Variants in PI15 observed in about 807,000 individuals in gnomAD.
PI15 encodes the protein peptidase inhibitor 15, also known as 25 kDa trypsin inhibitor.
A neutral mutation model predicts 31.0 loss-of-function variants in PI15; 18 were observed. The ratio of observed to expected loss-of-function variants is 0.58; its 90% CI spans 0.40 to 0.86. The LOEUF is 0.86. Among genes scored for constraint, PI15 ranks in the 40% least tolerant of loss-of-function variants. The pLI, the probability that PI15 is intolerant of heterozygous loss-of-function variation, is 0.00. For missense variants in PI15, 282 were observed against 328.1 expected (o/e 0.86, Z 1.09); for synonymous variants, 118 against 119.1 (o/e 0.99, Z 0.06).
At position 74,851,375 on chromosome 8, in the gene PI15, C is replaced by G. The variant is rs1811101778; in HGVS notation, c.*2122C>G. ...ATAAGTACTATTAAACAGAAGATGG[C>G]TACACTAAGTTCCAATTTTGTTGCT... On this transcript the variant is annotated 3_prime_UTR_variant, in exon 6 of 6. Transcript: ENST00000260113. The G allele has an allele frequency of 6.6e-6, 1 of 151,998 alleles. No individual in the cohort carries two copies. Among genetic ancestry groups the G allele is most frequent in the Middle Eastern group, 3.2e-3 (1 of 316 alleles). The allele number at this position is 151,998 out of a possible 1,614,324, so 9.4% of individuals were successfully genotyped here. A position where few individuals can be genotyped will look rare whatever the true frequency, so the allele number is the denominator to read the frequency against.
chr8:74,836,370 G>A (rs1810872588), intron 2 of PI15, among the ~76,000 whole-genome samples: 1 of 152,156 alleles, frequency 6.6e-6, no homozygotes, highest in Admixed American at 6.6e-5. Context: ...TTGGAGGAAT[G>A]GGGGTAAGGT....
rs142164571 is a variant in PI15 at position 74,845,415 on chromosome 8, G to A, written c.559G>A (p.Ala187Thr). The A allele has an allele frequency of 1.5e-5, 24 of 1,613,874 alleles. No homozygotes were observed. The highest frequency in any genetic ancestry group is 9.3e-5 in the African/African-American group (7 of 75,020). Residue 187 changes from alanine to threonine, a missense_variant, in exon 5 of 6, where the codon GCA (alanine) becomes ACA (threonine). Transcript: ENST00000260113. ...GGCCACTTCCAATCGGATAGGATGC[G>A]CAATTCATACTTGCCAAAACATGAA... ...VWATSNRIGC[A>T]IHTCQNMNVW...
intron 5 of PI15, among the ~76,000 whole-genome samples, chr8:74,846,273 A>T (rs1811023841): frequency 6.6e-6 from 1 of 152,222 alleles, no homozygotes; most frequent in Admixed American, 6.5e-5. Flanking sequence ...TTACTCATTT[A>T]TGTGGTAGTA....
intron 5 of PI15, among the ~76,000 whole-genome samples, chr8:74,848,825 C>T (rs954250294): frequency 2.0e-5 from 3 of 150,674 alleles, no homozygotes; most frequent in African/African-American, 7.3e-5. Flanking sequence ...GCTCCACCTC[C>T]TGGGTTCACG....
intron 3 of PI15, 37 bp downstream of exon 3, chr8:74,844,136 G>A (rs1293525169): frequency 1.1e-6 from 1 of 904,200 alleles, no homozygotes. Context: ...TCATCCACAT[G>A]GCTTTATTAA....
chr8:74,847,327 C>T (rs1469762579), intron 5 of PI15, among the ~76,000 whole-genome samples: 2 of 151,994 alleles, frequency 1.3e-5, no homozygotes, highest in African/African-American at 2.4e-5. Flanking sequence ...TATCTGTAAT[C>T]CCAGCTACTC....
rs762040531 is a variant in PI15 at position 74,825,339 on chromosome 8, A to G, written c.90A>G (p.Ser30=). Residue 30 remains serine, a synonymous_variant, in exon 2 of 6, where the codon TCA becomes TCG. Coordinates refer to ENST00000260113, the MANE Select transcript of PI15 (RefSeq NM_015886.5). ...TCGTCCTACTCAATTCCACTGACTCATCCCCGCCAACCAATAATTTCACTG... is the reference window on the plus strand; with the variant it reads ...TCGTCCTACTCAATTCCACTGACTCGTCCCCGCCAACCAATAATTTCACTG... ...STVVLLNSTD[S]SPPTNNFTDI... 2.5e-6 allele frequency: 4 copies of G among 1,613,312 alleles called. No homozygotes were observed. The South Asian group carries it at 4.4e-5, about 18-fold the overall frequency.
At chr8:74,846,809 AGAG>A (rs560021582) in intron 5 of PI15, among the ~76,000 whole-genome samples, 88 of 152,178 alleles carry the variant, frequency 5.8e-4, no homozygotes, top group African/African-American at 2.0e-3. Context: ...AGAAAGAGAG[AGAG>A]GAGGAGGAAT....
At chr8:74,846,835 A>G (rs944644222) in intron 5 of PI15, among the ~76,000 whole-genome samples, 1 of 152,098 alleles carries the variant, frequency 6.6e-6, no homozygotes, top group Non-Finnish European at 1.5e-5. Context: ...AAGGAGGGAA[A>G]GAGATAAGTG....
chr8:74,833,312 A>G (rs192007285), intron 2 of PI15, among the ~76,000 whole-genome samples: 5 of 152,286 alleles, frequency 3.3e-5, no homozygotes, highest in Admixed American at 2.6e-4. Context: ...TAAAACATGT[A>G]TTAAAGAGGG....
chr8:74,834,481 C>A (rs999026912), intron 2 of PI15, among the ~76,000 whole-genome samples: 1 of 152,098 alleles, frequency 6.6e-6, no homozygotes, highest in African/African-American at 2.4e-5. Context: ...GCCTCAAGAC[C>A]CTTTGTGTTA....
At chr8:74,842,288 T>C (rs1174926612) in intron 2 of PI15, among the ~76,000 whole-genome samples, 1 of 152,130 alleles carries the variant, frequency 6.6e-6, no homozygotes, top group African/African-American at 2.4e-5. Flanking sequence ...AAGCTCCATG[T>C]AAATATAAGT....
chr8:74,831,812 G>C (rs1810785919), intron 2 of PI15, among the ~76,000 whole-genome samples: 1 of 152,112 alleles, frequency 6.6e-6, no homozygotes, highest in Non-Finnish European at 1.5e-5. Flanking sequence ...GTTAAGGAAA[G>C]AGGGATCTGT....
rs999717783 is a variant in PI15, at chr8:74,854,297, A to C, written c.*5044A>C. 6.6e-6 allele frequency: 1 copy of C among 152,112 alleles called. No homozygotes were observed. Among genetic ancestry groups the C allele is most frequent in the African/African-American group, 2.4e-5 (1 of 41,468 alleles). The allele number at this position is 152,112 out of a possible 1,614,324, so 9.4% of individuals were successfully genotyped here. A position where few individuals can be genotyped will look rare whatever the true frequency, so the allele number is the denominator to read the frequency against. On this transcript the variant is annotated 3_prime_UTR_variant, in exon 6 of 6. Transcript: ENST00000260113. ...AATCAAGGAAGATTTACCTTGAAGC[A>C]CTTTCCAAATTGATACTTTCAAACT...
chr8:74,847,358 T>C (rs1811040514), intron 5 of PI15, among the ~76,000 whole-genome samples: 1 of 151,570 alleles, frequency 6.6e-6, no homozygotes, highest in African/African-American at 2.4e-5. Context: ...GGCAAGATAA[T>C]CGCTTGAGCC....
rs898436906 is a variant in PI15, at chr8:74,849,997, A to G, written c.*744A>G. ...CTACATGCAAGGCACTCTGCTAGTT[A>G]TATTCTAATAATGCAGAGATAATTA... is the stretch of plus-strand genomic sequence containing the variant. On this transcript the variant is annotated 3_prime_UTR_variant, in exon 6 of 6. Coordinates refer to ENST00000260113, the MANE Select transcript of PI15 (RefSeq NM_015886.5). 3.9e-5 allele frequency: 6 copies of G among 152,190 alleles called. No individual in the cohort carries two copies. Among genetic ancestry groups the G allele is most frequent in the Non-Finnish European group, 7.3e-5 (5 of 68,030 alleles). 9.4% of individuals were successfully genotyped at this position (152,190 alleles called of 1,614,324 possible). A position where few individuals can be genotyped will look rare whatever the true frequency, so the allele number is the denominator to read the frequency against.
rs907428679 is a variant in PI15 at position 74,850,245 on chromosome 8, A to G, written c.*992A>G. ...TGAGAAGGGGAAGGAAAGAATTAAC[A>G]AATGCCAAGATTTCTGGAGCAGATT... On this transcript the variant is annotated 3_prime_UTR_variant, in exon 6 of 6. Coordinates refer to ENST00000260113, the MANE Select transcript of PI15 (RefSeq NM_015886.5). 1 of 152,218 alleles carries G rather than the reference A, an allele frequency of 6.6e-6. No individual in the cohort carries two copies. The highest frequency in any genetic ancestry group is 1.5e-5 in the Non-Finnish European group (1 of 68,042). 9.4% of individuals were successfully genotyped at this position (152,218 alleles called of 1,614,324 possible).
chr8:74,829,995 T>C (rs1810757391), intron 2 of PI15, among the ~76,000 whole-genome samples: 1 of 152,128 alleles, frequency 6.6e-6, no homozygotes, highest in Non-Finnish European at 1.5e-5. Flanking sequence ...ACTGTGAAGA[T>C]TTTAGAGAAG....
In PI15 at chr8:74,849,447, C is replaced by A. The variant is rs1811074240; in HGVS notation, c.*194C>A. 4.3e-6 allele frequency: 2 copies of A among 460,648 alleles called. No homozygotes were observed. The highest frequency in any genetic ancestry group is 7.6e-6 in the Non-Finnish European group (2 of 263,996). 28.5% of individuals were successfully genotyped at this position (460,648 alleles called of 1,614,324 possible). On this transcript the variant is annotated 3_prime_UTR_variant, in exon 6 of 6. Coordinates refer to ENST00000260113, the MANE Select transcript of PI15 (RefSeq NM_015886.5). Reference sequence around the variant, plus strand: ...TTTGAAATATTTGAAACATCAATTTCTATTTTCTGACCTCTAAGCCTAAAT... The same window carrying A: ...TTTGAAATATTTGAAACATCAATTTATATTTTCTGACCTCTAAGCCTAAAT...
Sources: allele counts gnomAD v4.1 joint callset (sites outside exome capture counted in the v4.1 genomes callset), GRCh38; gene constraint gnomAD v4.1.1; transcripts MANE v1.5; gene names NCBI Gene and HGNC (gene_info 2026-07-23, HGNC 2026-07-21).